Variants in PHKA1 observed in about 807,000 individuals in gnomAD.
PHKA1 encodes the protein phosphorylase kinase regulatory subunit alpha 1.
A neutral mutation model predicts 110.2 loss-of-function variants in PHKA1; 60 were observed. That is an observed-to-expected ratio of 0.54 (90% CI 0.44 to 0.68). The LOEUF (loss-of-function observed/expected upper bound fraction) is 0.68, where lower values mean the gene tolerates loss of function less well. Ranked by LOEUF, PHKA1 falls within the 30% of genes least tolerant of loss-of-function variation. The probability of loss-of-function intolerance (pLI) is 0.00; values close to 1 mark genes in which losing one functional copy is unlikely to be tolerated. For synonymous variants in PHKA1, 316 were observed against 333.6 expected (o/e 0.95, Z 0.58); for missense variants, 801 against 942.5 (o/e 0.85, Z 1.97).
chrX:72,686,659 A>G (rs2053970327), intron 4 of PHKA1, among the ~76,000 whole-genome samples: 2 of 112,111 alleles, frequency 1.8e-5, no homozygotes, highest in South Asian at 7.5e-4. Context: ...CCAAAGATGT[A>G]TGCATATTAT....
At chrX:72,610,894 G>C in intron 22 of PHKA1, 134 bp downstream of exon 22, 1 of 479,792 alleles carries the variant, frequency 2.1e-6, no homozygotes, top group Non-Finnish European at 3.6e-6. Context: ...TAAAAGAACT[G>C]AATATCAAAT....
intron 15 of PHKA1, 33 bp from the exon 16 acceptor site, chrX:72,635,332 T>C: frequency 3.5e-6 from 4 of 1,145,315 alleles, no homozygotes; most frequent in Non-Finnish European, 4.8e-6. Flanking sequence ...ATTAGATTAA[T>C]TTACTCTCAC....
At chrX:72,585,452 T>C (rs782555501) in intron 29 of PHKA1, among the ~76,000 whole-genome samples, 4 of 112,254 alleles carry the variant, frequency 3.6e-5, no homozygotes, top group African/African-American at 9.7e-5. Flanking sequence ...TGGGTCTCCA[T>C]TTCAAGATGG....
At chrX:72,590,537 C>T (rs2052504227) in intron 29 of PHKA1, among the ~76,000 whole-genome samples, 1 of 111,883 alleles carries the variant, frequency 8.9e-6, no homozygotes, top group Non-Finnish European at 1.9e-5. Flanking sequence ...AAAGCAATTG[C>T]AACAAAAGCC....
At chrX:72,676,023 C>A (rs1556311636) in intron 6 of PHKA1, 47 bp downstream of exon 6, 1 of 945,372 alleles carries the variant, frequency 1.1e-6, no homozygotes, top group South Asian at 2.0e-5. Context: ...AAAGGGATAC[C>A]AGACTTCCTC....
chrX:72,631,826 C>T (rs1489373341), intron 16 of PHKA1, among the ~76,000 whole-genome samples: 1 of 111,133 alleles, frequency 9.0e-6, no homozygotes, highest in Non-Finnish European at 1.9e-5. Flanking sequence ...AGAAGTGAGT[C>T]TATGCCATCT....
intron 18 of PHKA1, chrX:72,622,544 T>C (rs2052994771): frequency 1.3e-6 from 1 of 753,809 alleles, no homozygotes; most frequent in African/African-American, 2.3e-5. Context: ...GCCCCTGCAA[T>C]GCTTTCTCAC....
chrX:72,687,494 T>A lies in PHKA1; in HGVS notation c.455-2914A>T, dbSNP rs191125400. Among the ~76,000 whole-genome samples, 4 of 111,536 alleles carry A rather than the reference T, an allele frequency of 3.6e-5. No homozygotes were observed. The Admixed American group carries it at 3.8e-4, about 11-fold the overall frequency. On this transcript the variant is annotated intron_variant, in intron 4 of 31. Transcript: ENST00000373542. The stretch of plus-strand genomic sequence containing the variant: ...AAATGCCACATATTTCTACCACTTA[T>A]GTCCTTTTGCTCATAATCTCCATTC...
Position 72,619,201 on chromosome X carries a change from T to C in PHKA1, c.2229+13A>G. The C allele has an allele frequency of 9.3e-7, 1 of 1,077,222 alleles. No individual in the cohort carries two copies. The highest frequency in any genetic ancestry group is 1.9e-5 in the South Asian group (1 of 53,595). The allele number at this position is 1,077,222 out of a possible 1,213,427, so 88.8% of individuals were successfully genotyped here. ...TCAAAAAGCTAATAGAAATACCTCC[T>C]GCACAAATTTACCTGGTTCTCCTGT... On this transcript the variant is annotated intron_variant, in intron 20 of 31. Transcript: ENST00000373542.
chrX:72,622,113 G>A, intron 18 of PHKA1: 1 of 750,204 alleles, frequency 1.3e-6, no homozygotes. Context: ...TGTATTTAAT[G>A]TACTTTTCCA....
At chrX:72,586,598 G>A (rs1424209238) in intron 29 of PHKA1, among the ~76,000 whole-genome samples, 2 of 111,313 alleles carry the variant, frequency 1.8e-5, no homozygotes, top group Non-Finnish European at 3.8e-5. Context: ...GCTGACAGAA[G>A]TAGGCTTCAG....
At chrX:72,586,425 G>C (rs782814018) in intron 29 of PHKA1, among the ~76,000 whole-genome samples, 13 of 111,926 alleles carry the variant, frequency 1.2e-4, no homozygotes, top group African/African-American at 4.2e-4. Context: ...CCATCTGTAG[G>C]TCACCAACAT....
chrX:72,677,768 A>G (rs2053795963), intron 5 of PHKA1, among the ~76,000 whole-genome samples: 2 of 111,368 alleles, frequency 1.8e-5, no homozygotes, highest in Non-Finnish European at 3.8e-5. Context: ...CTTTTTGAGC[A>G]TGGCTGAACA....
In PHKA1 at chrX:72,603,226, C is replaced by T. The variant is rs371624021; in HGVS notation, c.2816-6G>A. The T allele has an allele frequency of 3.5e-6, 4 of 1,139,128 alleles. No individual in the cohort carries two copies. Among genetic ancestry groups the T allele is most frequent in the African/African-American group, 1.8e-5 (1 of 56,027 alleles). The allele number at this position is 1,139,128 out of a possible 1,213,427, so 93.9% of individuals were successfully genotyped here. The stretch of plus-strand genomic sequence containing the variant: ...GCCCTCTGTGGCTTCCTCAGCTAGT[C>T]AGCAGAAATGTTAGAACAGAAGGAC... On this transcript the variant is annotated splice_polypyrimidine_tract_variant and splice_region_variant and intron_variant, in intron 25 of 31. Coordinates refer to ENST00000373542, the MANE Select transcript of PHKA1 (RefSeq NM_002637.4).
intron 21 of PHKA1, among the ~76,000 whole-genome samples, chrX:72,614,369 A>T (rs1389955936): frequency 8.9e-6 from 1 of 111,843 alleles, no homozygotes; most frequent in East Asian, 2.8e-4. Context: ...TTATTGTACT[A>T]TCCTCACAAC....
chrX:72,692,941 CTTT>C (rs60176152), intron 4 of PHKA1, among the ~76,000 whole-genome samples: 1 of 97,331 alleles, frequency 1.0e-5, no homozygotes, highest in African/African-American at 3.7e-5. Flanking sequence ...ATTTTTCTTT[CTTT>C]TTTTTTTTTT....
Position 72,635,305 on chromosome X carries a change from A to T in PHKA1, c.1570-6T>A. The stretch of plus-strand genomic sequence containing the variant: ...AACTGTTGCTGGTCTATAAACTGAG[A>T]CAAATAAAAATAATAGATTAGATTA... On this transcript the variant is annotated splice_polypyrimidine_tract_variant and splice_region_variant and intron_variant, in intron 15 of 31. Transcript: ENST00000373542. 1 of 1,194,352 alleles carries T rather than the reference A, an allele frequency of 8.4e-7. No homozygotes were observed. The highest frequency in any genetic ancestry group is 3.0e-5 in the East Asian group (1 of 33,741).
At chrX:72,704,870 C>A (rs1416195406) in intron 3 of PHKA1, among the ~76,000 whole-genome samples, 1 of 112,195 alleles carries the variant, frequency 8.9e-6, no homozygotes, top group Non-Finnish European at 1.9e-5. Flanking sequence ...GGATTACAGG[C>A]ATGAGCCACC....
rs144549437 is a variant in PHKA1, at chrX:72,638,033, A to C, written c.1460-1647T>G. Among the ~76,000 whole-genome samples the C allele has an allele frequency of 3.1e-3, 350 of 111,545 alleles. 1 individual carries two copies. Among genetic ancestry groups the C allele is most frequent in the African/African-American group, 0.011 (340 of 30,714 alleles). On this transcript the variant is annotated intron_variant, in intron 14 of 31. Transcript: ENST00000373542. ...ACTGTTTTCTTAATTTCCTTGTCAA[A>C]TTGTTCATTTTTAGTGTATAAAAAT...
Sources: gnomAD v4.1 joint callset for allele counts (sites outside exome capture counted in the v4.1 genomes callset) on GRCh38, gnomAD v4.1.1 for gene constraint, MANE v1.5 for transcripts, NCBI Gene and HGNC (gene_info 2026-07-23, HGNC 2026-07-21) for gene names.